HYPK: variants seen among roughly 807,000 people sequenced by gnomAD.
The protein encoded by HYPK is huntingtin-interacting protein K.
In HYPK, 9 loss-of-function variants were observed where a neutral mutation model predicts 13.9. That is an observed-to-expected ratio of 0.65 (90% confidence interval 0.39 to 1.13). The LOEUF (loss-of-function observed/expected upper bound fraction) is 1.13. HYPK is among the 50% of genes most tolerant of loss of function. HYPK has a pLI of 0.01. For missense variants in HYPK, 138 were observed against 157.6 expected (o/e 0.88, Z 0.67); for synonymous variants, 76 against 57.0 (o/e 1.33, Z -1.50).
chr15:43,801,345 C>T (rs2087312955), intron 2 of HYPK, 158 bp downstream of exon 2: 3 of 819,564 alleles, frequency 3.7e-6, no homozygotes, highest in Middle Eastern at 3.1e-4. Context: ...CAGAAGGCCT[C>T]CTGGCAACAC....
In HYPK at chr15:43,801,985, A is replaced by ATCAG; in HGVS notation, c.*180_*181insCAGT. The ATCAG allele has an allele frequency of 1.6e-6, 1 of 607,664 alleles. No homozygotes were observed. The highest frequency in any genetic ancestry group is 2.0e-5 in the South Asian group (1 of 49,656). The allele number at this position is 607,664 out of a possible 1,614,324, so 37.6% of individuals were successfully genotyped here. A position where few individuals can be genotyped will look rare whatever the true frequency, so the allele number is the denominator to read the frequency against. On this transcript the variant is annotated 3_prime_UTR_variant, in exon 4 of 4. Transcript: ENST00000442995. ...ACCCATTAAAATCTAGCACACCTGT[A>ATCAG]TGAAAAATCAGTGTAGAAGAATACC...
In HYPK at chr15:43,802,555, G is replaced by A. The variant is rs1005493589; in HGVS notation, c.*749G>A. The A allele has an allele frequency of 1.0e-5, 1 of 100,116 alleles. No individual in the cohort carries two copies. 6.2% of individuals were successfully genotyped at this position (100,116 alleles called of 1,614,324 possible). ...ACTGTACTCCAGCCTGGGGGAAAGA[G>A]TGAAACTCCATCTCAAAAAAAAAAA... On this transcript the variant is annotated 3_prime_UTR_variant, in exon 4 of 4. Coordinates refer to ENST00000442995, the MANE Select transcript of HYPK (RefSeq NM_016400.4).
chr15:43,801,081 T>G (rs762293692), intron 1 of HYPK, 51 bp from the exon 2 acceptor site: 2 of 1,495,762 alleles, frequency 1.3e-6, no homozygotes, highest in South Asian at 2.3e-5. Context: ...CCTTTTAGAT[T>G]ATTGGGAATT....
upstream of HYPK, chr15:43,800,585 G>C: frequency 1.2e-6 from 2 of 1,613,272 alleles, no homozygotes; most frequent in Non-Finnish European, 1.7e-6. Context: ...GGAAGTCGGC[G>C]TGAGGTGGGG....
rs1184417446 is a variant in HYPK, at chr15:43,800,766, G to C, written c.144G>C (p.Gln48His). Reference protein sequence around the residue: ...VTDYAEEKEIQSSNLETAMSV... With the variant: ...VTDYAEEKEIHSSNLETAMSV... The stretch of plus-strand genomic sequence containing the variant: ...ACTATGCAGAGGAGAAGGAGATCCA[G>C]AGTTCCAATCTGGAGACGGTAAGGT... Residue 48 changes from glutamine (Q) to histidine (H), a missense_variant, in exon 1 of 4, where the codon CAG becomes CAC. Physicochemically the swap from Gln to His is conservative, Grantham distance 24. Coordinates refer to ENST00000442995, the MANE Select transcript of HYPK (RefSeq NM_016400.4). The C allele has an allele frequency of 2.5e-5, 40 of 1,612,134 alleles. No individual in the cohort carries two copies. Among genetic ancestry groups the C allele is most frequent in the Non-Finnish European group, 3.4e-5 (40 of 1,178,944 alleles).
Position 43,802,520 on chromosome 15 carries a change from CTACTG to C in HYPK, c.*719_*723del, listed in dbSNP as rs1325486362. 1 of 138,884 alleles carries C rather than the reference CTACTG, an allele frequency of 7.2e-6. No individual in the cohort carries two copies. The allele number at this position is 138,884 out of a possible 1,614,324, so 8.6% of individuals were successfully genotyped here. A position where few individuals can be genotyped will look rare whatever the true frequency, so the allele number is the denominator to read the frequency against. ...GAGGTTGCAGTGAGCTGAGATCACACTACTGTACTACTGTACTCCAGCCTGGGGGA... is the reference window on the plus strand; with the variant it reads ...GAGGTTGCAGTGAGCTGAGATCACACTACTACTGTACTCCAGCCTGGGGGA... On this transcript the variant is annotated 3_prime_UTR_variant, in exon 4 of 4. Coordinates refer to ENST00000442995, the MANE Select transcript of HYPK (RefSeq NM_016400.4).
chr15:43,801,363 C>A, intron 2 of HYPK, 155 bp from the exon 3 acceptor site: 1 of 846,018 alleles, frequency 1.2e-6, no homozygotes, highest in Non-Finnish European at 1.9e-6. Context: ...CACCTGCTGC[C>A]AAGACTCCAG....
rs970125326 is a variant in HYPK, at chr15:43,801,825, T to C, written c.*19T>C. The C allele has an allele frequency of 3.1e-6, 5 of 1,606,386 alleles. No individual in the cohort carries two copies. Among genetic ancestry groups the C allele is most frequent in the African/African-American group, 1.3e-5 (1 of 74,740 alleles). ...CAACTGATGCGTGCTTTCTCAAATA[T>C]ACCTACTGGATTAATTTATGGCAAT... On this transcript the variant is annotated 3_prime_UTR_variant, in exon 4 of 4. Coordinates refer to ENST00000442995, the MANE Select transcript of HYPK (RefSeq NM_016400.4).
In HYPK at chr15:43,801,808, G is replaced by A; in HGVS notation, c.*2G>A. 6.2e-7 allele frequency: 1 copy of A among 1,613,772 alleles called. No individual in the cohort carries two copies. The highest frequency in any genetic ancestry group is 8.5e-7 in the Non-Finnish European group (1 of 1,179,704). On this transcript the variant is annotated 3_prime_UTR_variant, in exon 4 of 4. Coordinates refer to ENST00000442995, the MANE Select transcript of HYPK (RefSeq NM_016400.4). Reference sequence around the variant, plus strand: ...GCGCTTATTGCCCTAACCAACTGATGCGTGCTTTCTCAAATATACCTACTG... The same window carrying A: ...GCGCTTATTGCCCTAACCAACTGATACGTGCTTTCTCAAATATACCTACTG...
chr15:43,803,421 T>C lies in HYPK; in HGVS notation c.*1615T>C, dbSNP rs1417911596. On this transcript the variant is annotated 3_prime_UTR_variant, in exon 4 of 4. Coordinates refer to ENST00000442995, the MANE Select transcript of HYPK (RefSeq NM_016400.4). ...GAAAAAAACCTATGAAAGGTTTTGATTGGTATTCAAATTCTAAGCCATAAT... is the reference window on the plus strand; with the variant it reads ...GAAAAAAACCTATGAAAGGTTTTGACTGGTATTCAAATTCTAAGCCATAAT... Among the ~76,000 whole-genome samples the C allele has an allele frequency of 2.0e-5, 3 of 152,082 alleles. No homozygotes were observed. The highest frequency in any genetic ancestry group is 3.9e-4 in the East Asian group (2 of 5,132).
In HYPK at chr15:43,801,884, C is replaced by T; in HGVS notation, c.*78C>T. ...TTTTTGTCTTTTTCAGTTTTATCAT[C>T]TTGGGTCAAGTAGAGTGTATACTAT... On this transcript the variant is annotated 3_prime_UTR_variant, in exon 4 of 4. Coordinates refer to ENST00000442995, the MANE Select transcript of HYPK (RefSeq NM_016400.4). 5 of 1,197,712 alleles carry T rather than the reference C, an allele frequency of 4.2e-6. No individual in the cohort carries two copies. Among genetic ancestry groups the T allele is most frequent in the Admixed American group, 1.8e-5 (1 of 55,792 alleles). 74.2% of individuals were successfully genotyped at this position (1,197,712 alleles called of 1,614,324 possible).
At chr15:43,800,832 GC>G (rs756485641) in intron 1 of HYPK, 48 bp downstream of exon 1, 23 of 1,507,202 alleles carry the variant, frequency 1.5e-5, no homozygotes, top group African/African-American at 4.1e-5. Flanking sequence ...GCAGAGGGGG[GC>G]TCTGAGGCTG....
chr15:43,801,319 A>G lies in HYPK; in HGVS notation c.218+132A>G, dbSNP rs547363882. ...AATTCCTGCAGATCTAGGCGCCACA[A>G]CTTTACTCTTGTTAGCAGAAGGCCT... On this transcript the variant is annotated intron_variant, in intron 2 of 3. Coordinates refer to ENST00000442995, the MANE Select transcript of HYPK (RefSeq NM_016400.4). 1.0e-4 allele frequency: 94 copies of G among 924,404 alleles called. No homozygotes were observed. The East Asian group carries it at 2.2e-3, about 21-fold the overall frequency. 57.3% of individuals were successfully genotyped at this position (924,404 alleles called of 1,614,324 possible).
Position 43,801,870 on chromosome 15 carries a change from T to C in HYPK, c.*64T>C. 1 of 1,386,072 alleles carries C rather than the reference T, an allele frequency of 7.2e-7. No homozygotes were observed. The highest frequency in any genetic ancestry group is 1.0e-6 in the Non-Finnish European group (1 of 977,456). The allele number at this position is 1,386,072 out of a possible 1,614,324, so 85.9% of individuals were successfully genotyped here. ...GGCAATAAAATTTTTTTTTGTCTTT[T>C]TCAGTTTTATCATCTTGGGTCAAGT... On this transcript the variant is annotated 3_prime_UTR_variant, in exon 4 of 4. Transcript: ENST00000442995.
Position 43,804,119 on chromosome 15 carries a change from G to A in HYPK, c.*2313G>A, listed in dbSNP as rs2087346287. ...AACAAACAAACAAAAAAAAAACCCT[G>A]CAACGGCCCCTGAGTCTGCTGTAAG... On this transcript the variant is annotated 3_prime_UTR_variant, in exon 4 of 4. Transcript: ENST00000442995. Among the ~76,000 whole-genome samples the A allele has an allele frequency of 6.6e-6, 1 of 151,846 alleles. No homozygotes were observed. The highest frequency in any genetic ancestry group is 1.5e-5 in the Non-Finnish European group (1 of 67,990).
At chr15:43,800,841 C>A in intron 1 of HYPK, 57 bp downstream of exon 1, 1 of 1,475,420 alleles carries the variant, frequency 6.8e-7, no homozygotes, top group Non-Finnish European at 9.2e-7. Flanking sequence ...GGCTCTGAGG[C>A]TGTAGCTGGA....
At chr15:43,801,256 A>G (rs1321213644) in intron 2 of HYPK, 69 bp downstream of exon 2, 44 of 1,327,376 alleles carry the variant, frequency 3.3e-5, no homozygotes, top group Non-Finnish European at 4.8e-5. Flanking sequence ...AATAAAAACC[A>G]TTATTAAGCC....
Position 43,800,608 on chromosome 15 carries a change from C to T in HYPK, c.-15C>T, listed in dbSNP as rs2087298933. On this transcript the variant is annotated 5_prime_UTR_variant, in exon 1 of 4. Coordinates refer to ENST00000442995, the MANE Select transcript of HYPK (RefSeq NM_016400.4). Reference sequence around the variant, plus strand: ...GCGTGAGGTGGGGCTTATGCGGCGGCGTGGTGAAATAGATATGGCGACCGA... The same window carrying T: ...GCGTGAGGTGGGGCTTATGCGGCGGTGTGGTGAAATAGATATGGCGACCGA... The T allele has an allele frequency of 1.2e-6, 2 of 1,613,920 alleles. No homozygotes were observed. Among genetic ancestry groups the T allele is most frequent in the Non-Finnish European group, 1.7e-6 (2 of 1,179,974 alleles).
chr15:43,802,267 A>AT lies in HYPK; in HGVS notation c.*463dup, dbSNP rs1490949754. 1 of 155,946 alleles carries AT rather than the reference A, an allele frequency of 6.4e-6. No individual in the cohort carries two copies. The highest frequency in any genetic ancestry group is 1.9e-4 in the East Asian group (1 of 5,308). The allele number at this position is 155,946 out of a possible 1,614,324, so 9.7% of individuals were successfully genotyped here. On this transcript the variant is annotated 3_prime_UTR_variant, in exon 4 of 4. Transcript: ENST00000442995. ...CCTACAACATGCTTGATTTTGAGTG[A>AT]TTAAAAAAAAATAATTTGGCTGGGT...
Sources: allele counts gnomAD v4.1 joint callset (sites outside exome capture counted in the v4.1 genomes callset), GRCh38; gene constraint gnomAD v4.1.1; transcripts MANE v1.5; gene names NCBI Gene and HGNC (gene_info 2026-07-23, HGNC 2026-07-21).